Variants in GALNTL6 observed in about 807,000 individuals in gnomAD.
The protein encoded by GALNTL6 is polypeptide N-acetylgalactosaminyltransferase like 6, also known as polypeptide N-acetylgalactosaminyltransferase-like 6.
In GALNTL6, 46 loss-of-function variants were observed where a neutral mutation model predicts 73.7. That is an observed-to-expected ratio of 0.62 (90% confidence interval 0.49 to 0.80). The LOEUF (loss-of-function observed/expected upper bound fraction) is 0.80. GALNTL6 is among the 30% of genes least tolerant of loss of function. The probability of loss-of-function intolerance (pLI) is 0.00; values close to 1 mark genes in which losing one functional copy is unlikely to be tolerated. For synonymous variants in GALNTL6, 259 were observed against 263.7 expected (o/e 0.98, Z 0.17); for missense variants, 604 against 755.0 (o/e 0.80, Z 2.34).
intron 5 of GALNTL6, among the ~76,000 whole-genome samples, chr4:172,549,067 T>A (rs771752559): frequency 6.6e-6 from 1 of 152,192 alleles, no homozygotes; most frequent in Non-Finnish European, 1.5e-5. Context: ...GATGTATAGT[T>A]CCAGGAATTT....
chr4:171,858,498 T>C lies in GALNTL6; in HGVS notation c.138+43780T>C, dbSNP rs1735747864. Among the ~76,000 whole-genome samples the C allele has an allele frequency of 2.0e-5, 3 of 151,766 alleles. 1 individual carries two copies. The South Asian group carries it at 6.2e-4, about 31-fold the overall frequency. Reference sequence around the variant, plus strand: ...AATTCAGCTTAGCAACCCTATCAGATATATGTTAATATCCACACTTTTCAG... The same window carrying C: ...AATTCAGCTTAGCAACCCTATCAGACATATGTTAATATCCACACTTTTCAG... On this transcript the variant is annotated intron_variant, in intron 2 of 12. Transcript: ENST00000506823.
chr4:171,842,629 G>A (rs1489778607), intron 2 of GALNTL6, among the ~76,000 whole-genome samples: 2 of 152,070 alleles, frequency 1.3e-5, no homozygotes, highest in Non-Finnish European at 2.9e-5. Flanking sequence ...GGTGAGAAAG[G>A]AGGCAAGAGA....
At position 172,809,309 on chromosome 4, in the gene GALNTL6, G is replaced by C; in HGVS notation, c.554-52G>C. ...TGCACAAACAACCGTGAATAATTCA[G>C]CTGCAACTAATGTTTTGCGTTTTTT... On this transcript the variant is annotated intron_variant, in intron 5 of 12. Coordinates refer to ENST00000506823, the MANE Select transcript of GALNTL6 (RefSeq NM_001034845.3). The surrounding 1 kb of genome is among the most constrained non-coding windows in gnomAD (Gnocchi z 4.4). The C allele has an allele frequency of 7.1e-7, 1 of 1,417,408 alleles. No individual in the cohort carries two copies. Among genetic ancestry groups the C allele is most frequent in the Non-Finnish European group, 9.9e-7 (1 of 1,009,108 alleles). 87.8% of individuals were successfully genotyped at this position (1,417,408 alleles called of 1,614,324 possible). A position where few individuals can be genotyped will look rare whatever the true frequency, so the allele number is the denominator to read the frequency against.
At position 172,548,897 on chromosome 4, in the gene GALNTL6, C is replaced by G. The variant is rs550379028; in HGVS notation, c.553+200208C>G. Among the ~76,000 whole-genome samples, 529 of 152,042 alleles carry G rather than the reference C, an allele frequency of 3.5e-3. 2 individuals are homozygous for G. Among genetic ancestry groups the G allele is most frequent in the South Asian group, 0.011 (55 of 4,816 alleles). ...GATTTTTTTCAGGCCCCTTTTAAAACAATATTTTATGTTATAAAATCTTAA... is the reference window on the plus strand; with the variant it reads ...GATTTTTTTCAGGCCCCTTTTAAAAGAATATTTTATGTTATAAAATCTTAA... On this transcript the variant is annotated intron_variant, in intron 5 of 12. Transcript: ENST00000506823.
chr4:172,052,328 G>C, intron 2 of GALNTL6: 1 of 670,178 alleles, frequency 1.5e-6, no homozygotes, highest in Non-Finnish European at 2.5e-6. Flanking sequence ...GGTATATTGT[G>C]AGCTTATTTA....
At chr4:172,921,693 C>T (rs1229551300) in intron 8 of GALNTL6, among the ~76,000 whole-genome samples, 1 of 151,208 alleles carries the variant, frequency 6.6e-6, no homozygotes, top group Non-Finnish European at 1.5e-5. Flanking sequence ...TATTTGGGAG[C>T]CTGAGGCAGG....
intron 3 of GALNTL6, among the ~76,000 whole-genome samples, chr4:172,282,986 T>C (rs1291289318): frequency 5.9e-5 from 9 of 152,196 alleles, no homozygotes. Flanking sequence ...CTTTGACAGA[T>C]TGAATTTTGT....
At chr4:172,808,319 A>T (rs1367254116) in intron 5 of GALNTL6, among the ~76,000 whole-genome samples, 1 of 152,258 alleles carries the variant, frequency 6.6e-6, no homozygotes, top group Non-Finnish European at 1.5e-5. Flanking sequence ...TACATTGGAT[A>T]GCAGGAAGGA....
chr4:171,946,700 C>T (rs1738711740), intron 2 of GALNTL6, among the ~76,000 whole-genome samples: 2 of 152,106 alleles, frequency 1.3e-5, no homozygotes. Flanking sequence ...CAGAGGCGGC[C>T]TCTCCAATGC....
chr4:172,784,294 T>C lies in GALNTL6; in HGVS notation c.554-25067T>C, dbSNP rs79281044. On this transcript the variant is annotated intron_variant, in intron 5 of 12. Transcript: ENST00000506823. ...CCCTTATTAACATTCCTATATTTAA[T>C]ATAAGAAAGCACAACATTATTTTGA... Among the ~76,000 whole-genome samples the C allele has an allele frequency of 4.6e-5, 7 of 151,774 alleles. No individual in the cohort carries two copies. The South Asian group carries it at 1.5e-3, about 31-fold the overall frequency.
At chr4:172,309,043 AGAAATCAAACAGG>A (rs1740256760) in intron 3 of GALNTL6, among the ~76,000 whole-genome samples, 1 of 151,828 alleles carries the variant, frequency 6.6e-6, no homozygotes, top group Non-Finnish European at 1.5e-5. Flanking sequence ...TTTTCTCCTA[AGAAATCAAACAGG>A]GAAGCAAAGA....
intron 6 of GALNTL6, among the ~76,000 whole-genome samples, chr4:172,812,038 A>G (rs970705273): frequency 1.3e-5 from 2 of 151,724 alleles, no homozygotes; most frequent in African/African-American, 4.8e-5. Flanking sequence ...GGATGGATGG[A>G]TGGATGGATG....
chr4:172,543,981 A>G (rs1735665824), intron 5 of GALNTL6, among the ~76,000 whole-genome samples: 1 of 152,204 alleles, frequency 6.6e-6, no homozygotes, highest in African/African-American at 2.4e-5. Flanking sequence ...CTTTGATATC[A>G]TTTGTACCCA....
At chr4:172,994,595 G>C (rs1240286078) in intron 10 of GALNTL6, among the ~76,000 whole-genome samples, 1 of 152,166 alleles carries the variant, frequency 6.6e-6, no homozygotes, top group African/African-American at 2.4e-5. Context: ...TCCCCTTAAA[G>C]AGCCAAGTCA....
chr4:171,869,106 G>T (rs887117374), intron 2 of GALNTL6, among the ~76,000 whole-genome samples: 7 of 152,180 alleles, frequency 4.6e-5, no homozygotes, highest in African/African-American at 1.7e-4. Flanking sequence ...AATTACCTCA[G>T]TTGGTATAGC....
intron 5 of GALNTL6, among the ~76,000 whole-genome samples, chr4:172,728,007 G>A (rs1464588337): frequency 6.6e-6 from 1 of 151,962 alleles, no homozygotes; most frequent in African/African-American, 2.4e-5. Context: ...CCGCCTCCTG[G>A]GTTCAAGCGA....
intron 2 of GALNTL6, among the ~76,000 whole-genome samples, chr4:171,893,957 A>G (rs868780802): frequency 0.026 from 301 of 11,494 alleles, 1 homozygote; most frequent in East Asian, 0.17. Context: ...TTGCCCACCC[A>G]CCCACCCCTC....
intron 5 of GALNTL6, among the ~76,000 whole-genome samples, chr4:172,655,666 A>G (rs1161881759): frequency 1.3e-5 from 2 of 152,186 alleles, no homozygotes; most frequent in African/African-American, 4.8e-5. Flanking sequence ...TCCCAAATAT[A>G]TATGTCAAAT....
intron 5 of GALNTL6, among the ~76,000 whole-genome samples, chr4:172,656,719 G>A (rs1316287588): frequency 6.6e-6 from 1 of 152,182 alleles, no homozygotes. Flanking sequence ...GGTCAATCCT[G>A]AGAGCCTAAG....
Sources: gnomAD v4.1 joint callset for allele counts (sites outside exome capture counted in the v4.1 genomes callset) on GRCh38, gnomAD v4.1.1 for gene constraint, Gnocchi (gnomAD v3.1) non-coding constraint, MANE v1.5 for transcripts, NCBI Gene and HGNC (gene_info 2026-07-23, HGNC 2026-07-21) for gene names.